TM9SF4: variants seen among roughly 807,000 people sequenced by gnomAD.
The protein encoded by TM9SF4 is dinucleotide oxidase disulfide thiol exchanger 3 superfamily member 4.
In TM9SF4, 26 loss-of-function variants were observed where a neutral mutation model predicts 90.4. That is an observed-to-expected ratio of 0.29 (90% CI 0.21 to 0.40). The LOEUF (loss-of-function observed/expected upper bound fraction) is 0.40, where lower values mean the gene tolerates loss of function less well. Among genes scored for constraint, TM9SF4 ranks in the 10% least tolerant of loss-of-function variants. The pLI is 1.00. For missense variants in TM9SF4, 549 were observed against 834.8 expected, an observed-to-expected ratio of 0.66 and a Z score of 4.22; for synonymous variants, 293 against 315.4, an observed-to-expected ratio of 0.93 and a Z score of 0.75.
At chr20:32,115,070 G>A (rs1196069947) in intron 1 of TM9SF4, among the ~76,000 whole-genome samples, 1 of 152,120 alleles carries the variant, frequency 6.6e-6, no homozygotes, top group Non-Finnish European at 1.5e-5. Context: ...CTGTTGTGTT[G>A]GTTGTATTGT....
intron 13 of TM9SF4, among the ~76,000 whole-genome samples, chr20:32,157,057 C>T (rs2046936121): frequency 6.8e-6 from 1 of 147,834 alleles, no homozygotes. Flanking sequence ...AAATGATTCT[C>T]CTGCCTCAGC....
chr20:32,143,828 C>T (rs1348487489), intron 6 of TM9SF4, among the ~76,000 whole-genome samples: 1 of 152,114 alleles, frequency 6.6e-6, no homozygotes, highest in Non-Finnish European at 1.5e-5. Flanking sequence ...TAGCACATCT[C>T]CCCTGGGAGC....
chr20:32,147,686 C>G (rs1214166287), intron 9 of TM9SF4, among the ~76,000 whole-genome samples: 5 of 152,030 alleles, frequency 3.3e-5, no homozygotes, highest in African/African-American at 9.7e-5. Context: ...AACTTCGTCT[C>G]TAATAAAAAT....
At chr20:32,125,350 AG>A (rs2046403893) in intron 1 of TM9SF4, among the ~76,000 whole-genome samples, 1 of 152,336 alleles carries the variant, frequency 6.6e-6, no homozygotes, top group Admixed American at 6.5e-5. Flanking sequence ...AAGACTCAAA[AG>A]AGTTATACAA....
intron 1 of TM9SF4, among the ~76,000 whole-genome samples, chr20:32,123,862 A>ATTTTTTTTT (rs1168474976): frequency 3.8e-5 from 2 of 53,132 alleles, no homozygotes; most frequent in African/African-American, 2.1e-4. Context: ...ATATATATAT[A>ATTTTTTTTT]TATATTTTTT....
At chr20:32,153,580 C>G (rs569619233) in intron 12 of TM9SF4, among the ~76,000 whole-genome samples, 3 of 152,236 alleles carry the variant, frequency 2.0e-5, no homozygotes, top group Admixed American at 2.0e-4. Context: ...GAGACCCTGT[C>G]TCTACAAAAA....
intron 12 of TM9SF4, among the ~76,000 whole-genome samples, chr20:32,152,642 C>G (rs1261413282): frequency 6.6e-6 from 1 of 152,144 alleles, no homozygotes; most frequent in Non-Finnish European, 1.5e-5. Context: ...TCATCTCCAA[C>G]AGCCTGCAGC....
chr20:32,138,114 T>G (rs548353492), intron 3 of TM9SF4, among the ~76,000 whole-genome samples: 1 of 152,292 alleles, frequency 6.6e-6, no homozygotes, highest in African/African-American at 2.4e-5. Flanking sequence ...TTAACTCAGG[T>G]TCTTTTACCC....
intron 17 of TM9SF4, among the ~76,000 whole-genome samples, chr20:32,162,710 A>G (rs974753391): frequency 1.3e-5 from 2 of 152,140 alleles, no homozygotes; most frequent in Non-Finnish European, 2.9e-5. Flanking sequence ...CTTGATTCAC[A>G]CTGCAGTCTC....
rs183057826 is a variant in TM9SF4 at position 32,114,204 on chromosome 20, G to A, written c.15+4449G>A. Among the ~76,000 whole-genome samples the A allele has an allele frequency of 2.6e-5, 4 of 152,306 alleles. No individual in the cohort carries two copies. In the East Asian group the frequency reaches 5.8e-4, roughly 22 times the overall value. On this transcript the variant is annotated intron_variant, in intron 1 of 17. Coordinates refer to ENST00000398022, the MANE Select transcript of TM9SF4 (RefSeq NM_014742.4). ...CTGCATCAGTTCACACTGTTTTGAG[G>A]TTACTTGGGTTTGAGCCACTCCAGA...
At chr20:32,155,420 C>A (rs1273262853) in intron 13 of TM9SF4, among the ~76,000 whole-genome samples, 2 of 152,224 alleles carry the variant, frequency 1.3e-5, no homozygotes, top group African/African-American at 4.8e-5. Context: ...GACCCAAGCC[C>A]ACTTCTCTAA....
intron 9 of TM9SF4, among the ~76,000 whole-genome samples, chr20:32,148,589 T>A (rs910939534): frequency 6.6e-6 from 1 of 151,880 alleles, no homozygotes; most frequent in Non-Finnish European, 1.5e-5. Context: ...GCAACTTGTT[T>A]TGCACAGCAA....
At chr20:32,111,354 T>G (rs1392238206) in intron 1 of TM9SF4, among the ~76,000 whole-genome samples, 2 of 152,184 alleles carry the variant, frequency 1.3e-5, no homozygotes, top group African/African-American at 2.4e-5. Context: ...TTGAGTAAAG[T>G]GGTATTTACG....
intron 17 of TM9SF4, among the ~76,000 whole-genome samples, chr20:32,162,596 A>T (rs1160076900): frequency 6.6e-6 from 1 of 152,136 alleles, no homozygotes; most frequent in Non-Finnish European, 1.5e-5. Context: ...CTGGCCCTCT[A>T]AGTAAAAGAT....
intron 1 of TM9SF4, among the ~76,000 whole-genome samples, chr20:32,130,865 C>T (rs893817163): frequency 2.6e-5 from 4 of 152,128 alleles, no homozygotes; most frequent in South Asian, 2.1e-4. Context: ...AAAATGTTCA[C>T]GCTAGTTGCT....
rs2047075022 is a variant in TM9SF4, at chr20:32,164,694, C to T, written c.1780-601C>T. ...TCTGCCTGTGAGTCCTGGGACAGGC[C>T]CTACTCAGGCCCTGGGCATATCTTG... is the stretch of plus-strand genomic sequence containing the variant. On this transcript the variant is annotated intron_variant, in intron 17 of 17. Transcript: ENST00000398022. Among the ~76,000 whole-genome samples, 2 of 152,118 alleles carry T rather than the reference C, an allele frequency of 1.3e-5. 1 individual carries two copies. Among genetic ancestry groups the T allele is most frequent in the South Asian group, 4.2e-4 (2 of 4,816 alleles).
At chr20:32,124,685 C>A (rs1184531955) in intron 1 of TM9SF4, among the ~76,000 whole-genome samples, 5 of 151,898 alleles carry the variant, frequency 3.3e-5, no homozygotes, top group Non-Finnish European at 7.4e-5. Flanking sequence ...CTCCCAGGTT[C>A]AAGCAATTCT....
chr20:32,136,956 A>G (rs1377359379), intron 3 of TM9SF4: 1 of 471,048 alleles, frequency 2.1e-6, no homozygotes, highest in Admixed American at 2.3e-5. Flanking sequence ...CATGGCTCAG[A>G]TGTTTCTGGA....
intron 1 of TM9SF4, among the ~76,000 whole-genome samples, chr20:32,113,057 G>A (rs527252801): frequency 2.0e-5 from 3 of 152,260 alleles, no homozygotes; most frequent in South Asian, 2.1e-4. Flanking sequence ...CCATTGGGGC[G>A]AGGGGGTGCG....
Sources: gnomAD v4.1 joint callset for allele counts (sites outside exome capture counted in the v4.1 genomes callset) on GRCh38, gnomAD v4.1.1 for gene constraint, MANE v1.5 for transcripts, NCBI Gene and HGNC (gene_info 2026-07-23, HGNC 2026-07-21) for gene names.